XKR4: variants seen among roughly 807,000 people sequenced by gnomAD.
XKR4 encodes the protein XK related 4, also known as XK-related protein 4.
A neutral mutation model predicts 53.9 loss-of-function variants in XKR4; 12 were observed. The ratio of observed to expected loss-of-function variants is 0.22; its 90% CI spans 0.14 to 0.36. XKR4 has a LOEUF of 0.36. Ranked by LOEUF, XKR4 falls within the 10% of genes least tolerant of loss-of-function variation. The pLI, the probability that XKR4 is intolerant of heterozygous loss-of-function variation, is 1.00. For synonymous variants in XKR4, 354 were observed against 362.4 expected (o/e 0.98, Z 0.26); for missense variants, 799 against 859.5 (o/e 0.93, Z 0.88).
chr8:55,506,753 T>G (rs769398494), intron 2 of XKR4, among the ~76,000 whole-genome samples: 1 of 152,204 alleles, frequency 6.6e-6, no homozygotes, highest in Non-Finnish European at 1.5e-5. Context: ...AGACCTACTG[T>G]GTATACGAGT....
intron 1 of XKR4, among the ~76,000 whole-genome samples, chr8:55,215,407 A>G (rs1403428208): frequency 6.6e-6 from 1 of 152,248 alleles, no homozygotes; most frequent in South Asian, 2.1e-4. Flanking sequence ...AATTCATTAT[A>G]TGGTAAGAAA....
chr8:55,327,384 A>G (rs1179118649), intron 1 of XKR4, among the ~76,000 whole-genome samples: 1 of 151,852 alleles, frequency 6.6e-6, no homozygotes, highest in Non-Finnish European at 1.5e-5. Flanking sequence ...TTTGGATGGC[A>G]TCTTTTATGC....
At chr8:55,454,839 T>C in intron 2 of XKR4, 1 of 762,590 alleles carries the variant, frequency 1.3e-6, no homozygotes, top group South Asian at 1.4e-5. Flanking sequence ...GCCTCCCTCA[T>C]CCTCCTCTTC....
chr8:55,262,275 C>T lies in XKR4; in HGVS notation c.807-95403C>T, dbSNP rs145345320. ...TGCCAGAATTAATCCACGTAACAAA[C>T]GTGTGAGGGAGATATGATTTTTCCA... On this transcript the variant is annotated intron_variant, in intron 1 of 2. Transcript: ENST00000327381. Among the ~76,000 whole-genome samples the T allele has an allele frequency of 4.0e-3, 607 of 152,234 alleles. 6 individuals carry two copies. The highest frequency in any genetic ancestry group is 0.014 in the African/African-American group (566 of 41,546).
intron 1 of XKR4, among the ~76,000 whole-genome samples, chr8:55,105,137 A>G (rs1816122832): frequency 1.3e-5 from 2 of 152,194 alleles, no homozygotes; most frequent in Admixed American, 1.3e-4. Context: ...CTGATATTAA[A>G]TTCTGTGAAC....
At chr8:55,123,860 AT>A (rs1369390999) in intron 1 of XKR4, among the ~76,000 whole-genome samples, 4 of 152,160 alleles carry the variant, frequency 2.6e-5, no homozygotes, top group African/African-American at 9.7e-5. Flanking sequence ...AATTTGCACC[AT>A]TTTTTTAGAC....
At chr8:55,335,563 C>T (rs1036069406) in intron 1 of XKR4, among the ~76,000 whole-genome samples, 4 of 152,094 alleles carry the variant, frequency 2.6e-5, no homozygotes, top group Admixed American at 6.5e-5. Flanking sequence ...AAGCAGCAAT[C>T]CCACTTATAG....
chr8:55,293,920 G>A (rs1178081536), intron 1 of XKR4, among the ~76,000 whole-genome samples: 1 of 152,174 alleles, frequency 6.6e-6, no homozygotes, highest in African/African-American at 2.4e-5. Flanking sequence ...CATTTAAGCT[G>A]TTTATTCCAG....
At position 55,333,229 on chromosome 8, in the gene XKR4, T is replaced by G. The variant is rs77028011; in HGVS notation, c.807-24449T>G. Among the ~76,000 whole-genome samples, 529 of 152,304 alleles carry G rather than the reference T, an allele frequency of 3.5e-3. 4 individuals carry two copies. Among genetic ancestry groups the G allele is most frequent in the Non-Finnish European group, 5.1e-3 (344 of 68,012 alleles). ...TTAGTAAGTCTGATGCCTGTGTTTC[T>G]TCGGGGTTGGTTTCTGGAGATTTAT... On this transcript the variant is annotated intron_variant, in intron 1 of 2. Coordinates refer to ENST00000327381, the MANE Select transcript of XKR4 (RefSeq NM_052898.2).
At chr8:55,123,341 C>A (rs1287532642) in intron 1 of XKR4, among the ~76,000 whole-genome samples, 1 of 152,168 alleles carries the variant, frequency 6.6e-6, no homozygotes, top group Non-Finnish European at 1.5e-5. Context: ...TACTTGTGAA[C>A]CTCATCCACA....
intron 2 of XKR4, chr8:55,452,332 C>T: frequency 1.6e-6 from 1 of 634,204 alleles, no homozygotes; most frequent in South Asian, 1.7e-5. Context: ...GAGCGGAACA[C>T]CACCTTCTCC....
intron 2 of XKR4, among the ~76,000 whole-genome samples, chr8:55,511,400 C>T (rs1287252744): frequency 1.3e-5 from 2 of 152,180 alleles, no homozygotes; most frequent in South Asian, 2.1e-4. Context: ...GGTCCCAGGA[C>T]CTCAGAAGGG....
intron 1 of XKR4, among the ~76,000 whole-genome samples, chr8:55,155,187 G>A (rs1338871773): frequency 1.3e-5 from 2 of 152,154 alleles, no homozygotes; most frequent in Non-Finnish European, 2.9e-5. Flanking sequence ...GCTGCGCGCT[G>A]ATCTCCAAGA....
Position 55,522,352 on chromosome 8 carries a change from G to A in XKR4, c.1007-929G>A, listed in dbSNP as rs530147303. ...AGCTAAGAGATGGAAGACAGGGAACGGACATGTCTTCTTTTGTGGGAAAGG... is the reference window on the plus strand; with the variant it reads ...AGCTAAGAGATGGAAGACAGGGAACAGACATGTCTTCTTTTGTGGGAAAGG... On this transcript the variant is annotated intron_variant, in intron 2 of 2. Coordinates refer to ENST00000327381, the MANE Select transcript of XKR4 (RefSeq NM_052898.2). Among the ~76,000 whole-genome samples the A allele has an allele frequency of 6.6e-5, 10 of 152,260 alleles. No individual in the cohort carries two copies. In the South Asian group the frequency reaches 1.0e-3, roughly 16 times the overall value.
At chr8:55,497,085 T>C (rs1806363124) in intron 2 of XKR4, among the ~76,000 whole-genome samples, 1 of 152,188 alleles carries the variant, frequency 6.6e-6, no homozygotes, top group African/African-American at 2.4e-5. Context: ...TACACTTTCG[T>C]CCATGAAAAT....
At chr8:55,465,631 C>T (rs1216117225) in intron 2 of XKR4, among the ~76,000 whole-genome samples, 1 of 151,664 alleles carries the variant, frequency 6.6e-6, no homozygotes, top group Admixed American at 6.6e-5. Flanking sequence ...CCAAAATTGA[C>T]AAATGGGATC....
At chr8:55,310,100 A>G (rs1264202926) in intron 1 of XKR4, among the ~76,000 whole-genome samples, 1 of 152,124 alleles carries the variant, frequency 6.6e-6, no homozygotes, top group Non-Finnish European at 1.5e-5. Flanking sequence ...AACTTTCTAA[A>G]GGGCTCCATT....
intron 1 of XKR4, among the ~76,000 whole-genome samples, chr8:55,105,411 C>T (rs1169711862): frequency 1.3e-5 from 2 of 152,080 alleles, no homozygotes; most frequent in Non-Finnish European, 2.9e-5. Context: ...GAAAGAAAAC[C>T]GCAGGCTGTC....
rs118080626 is a variant in XKR4, at chr8:55,170,747, A to G, written c.806+67453A>G. On this transcript the variant is annotated intron_variant, in intron 1 of 2. Transcript: ENST00000327381. ...CTGTCATGATGGGCTTGACTGAAACATTTCAGTCAGCAAACCAAAGATGGA... is the reference window on the plus strand; with the variant it reads ...CTGTCATGATGGGCTTGACTGAAACGTTTCAGTCAGCAAACCAAAGATGGA... 9.8e-5 allele frequency among the ~76,000 whole-genome samples: 15 copies of G among 152,288 alleles called. No homozygotes were observed. In the East Asian group the frequency reaches 2.7e-3, roughly 27 times the overall value.
Sources: allele counts gnomAD v4.1 joint callset (sites outside exome capture counted in the v4.1 genomes callset), GRCh38; gene constraint gnomAD v4.1.1; transcripts MANE v1.5; gene names NCBI Gene and HGNC (gene_info 2026-07-23, HGNC 2026-07-21).